The following NCAM1 variants were observed in gnomAD, a reference collection of about 807,000 sequenced individuals.
The protein encoded by NCAM1 is antigen recognized by monoclonal antibody 5.1H11.
NCAM1 carries 14 observed loss-of-function variants against 109.8 expected under a neutral mutation model. That is an observed-to-expected ratio of 0.13 (90% CI 0.08 to 0.20). The LOEUF is 0.20. Ranked by LOEUF, NCAM1 falls within the 10% of genes least tolerant of loss-of-function variation. The pLI, the probability that NCAM1 is intolerant of heterozygous loss-of-function variation, is 1.00. For missense variants in NCAM1, 774 were observed against 1,109.9 expected (o/e 0.70, Z 4.30); for synonymous variants, 418 against 442.9 (o/e 0.94, Z 0.70).
chr11:113,196,542 A>G (rs1354908186), intron 1 of NCAM1, among the ~76,000 whole-genome samples: 1 of 152,266 alleles, frequency 6.6e-6, no homozygotes, highest in East Asian at 1.9e-4. Context: ...ATAATAATGC[A>G]CAACAGGTAT....
At chr11:113,163,851 A>C (rs960500649) in intron 1 of NCAM1, among the ~76,000 whole-genome samples, 1 of 152,176 alleles carries the variant, frequency 6.6e-6, no homozygotes, top group Non-Finnish European at 1.5e-5. Flanking sequence ...AGCTGGTCTC[A>C]ACACCCTAGA....
At chr11:113,036,750 C>T (rs1325708113) in intron 1 of NCAM1, among the ~76,000 whole-genome samples, 2 of 152,084 alleles carry the variant, frequency 1.3e-5, no homozygotes, top group East Asian at 1.9e-4. Context: ...AAGCTTCTAC[C>T]CCGCCCCACC....
At chr11:113,180,915 T>C (rs782431152) in intron 1 of NCAM1, among the ~76,000 whole-genome samples, 1 of 152,184 alleles carries the variant, frequency 6.6e-6, no homozygotes, top group Non-Finnish European at 1.5e-5. Flanking sequence ...GTCCCAGAGA[T>C]GATGTTTGTA....
intron 1 of NCAM1, among the ~76,000 whole-genome samples, chr11:113,183,679 C>G (rs907362430): frequency 2.0e-5 from 3 of 152,172 alleles, no homozygotes; most frequent in Admixed American, 1.3e-4. Flanking sequence ...AAGAAACTTT[C>G]AGCAGCAAAT....
At chr11:113,213,798 C>T (rs1416567146) in intron 7 of NCAM1, among the ~76,000 whole-genome samples, 1 of 152,198 alleles carries the variant, frequency 6.6e-6, no homozygotes, top group Non-Finnish European at 1.5e-5. Flanking sequence ...TAGTCCAATG[C>T]TTCCTGAAAT....
intron 1 of NCAM1, among the ~76,000 whole-genome samples, chr11:112,983,857 A>T (rs1348167959): frequency 6.6e-6 from 1 of 152,004 alleles, no homozygotes; most frequent in East Asian, 1.9e-4. Flanking sequence ...CATATTCATC[A>T]TCTCACATGG....
At chr11:112,980,375 A>G (rs1303230748) in intron 1 of NCAM1, among the ~76,000 whole-genome samples, 13 of 151,974 alleles carry the variant, frequency 8.6e-5, no homozygotes, top group African/African-American at 2.6e-4. Context: ...ATGTACACTA[A>G]TGTTCATGGA....
chr11:112,978,002 A>G (rs559643928), intron 1 of NCAM1, among the ~76,000 whole-genome samples: 1 of 152,012 alleles, frequency 6.6e-6, no homozygotes, highest in South Asian at 2.1e-4. Flanking sequence ...GTGGAAGAAG[A>G]GTCCCTTTTG....
intron 1 of NCAM1, among the ~76,000 whole-genome samples, chr11:113,081,351 C>T (rs921838308): frequency 1.3e-5 from 2 of 152,066 alleles, no homozygotes; most frequent in Non-Finnish European, 2.9e-5. Flanking sequence ...GCGGACGGTT[C>T]CCCGGTGCTT....
At chr11:113,240,952 C>G in intron 14 of NCAM1, 1 of 1,089,076 alleles carries the variant, frequency 9.2e-7, no homozygotes, top group South Asian at 1.3e-5. Context: ...TGGAAAGCAG[C>G]GTCGGGTTTT....
At chr11:113,231,298 C>T (rs1400048065) in intron 9 of NCAM1, 6 of 1,535,010 alleles carry the variant, frequency 3.9e-6, no homozygotes, top group African/African-American at 1.4e-5. Context: ...GCTGCTGCTG[C>T]AATATCTGCT....
At chr11:112,974,174 C>T (rs775135104) in intron 1 of NCAM1, among the ~76,000 whole-genome samples, 13 of 152,148 alleles carry the variant, frequency 8.5e-5, no homozygotes, top group East Asian at 5.8e-4. Flanking sequence ...GAAGAAGTAA[C>T]GGAAAGAGGC....
chr11:113,177,868 G>A (rs1456716856), intron 1 of NCAM1, among the ~76,000 whole-genome samples: 4 of 151,986 alleles, frequency 2.6e-5, no homozygotes, highest in East Asian at 3.9e-4. Flanking sequence ...CCTCTTTGTC[G>A]CTCTTGCTTG....
chr11:113,248,376 C>T (rs1359739460), intron 15 of NCAM1, among the ~76,000 whole-genome samples: 4 of 152,228 alleles, frequency 2.6e-5, no homozygotes, highest in South Asian at 4.1e-4. Flanking sequence ...GAGCCCCGCA[C>T]GCAGCAGGAA....
chr11:113,240,801 C>T (rs373646074), intron 14 of NCAM1: 197 of 1,613,606 alleles, frequency 1.2e-4, no homozygotes, highest in Non-Finnish European at 1.5e-4. Flanking sequence ...TCTGCTAGCT[C>T]GTCTACCCCT....
intron 1 of NCAM1, among the ~76,000 whole-genome samples, chr11:113,129,820 A>G (rs1941320547): frequency 6.6e-6 from 1 of 152,206 alleles, no homozygotes; most frequent in Non-Finnish European, 1.5e-5. Context: ...GCCTCAATTC[A>G]TCCTGCCCTT....
intron 1 of NCAM1, among the ~76,000 whole-genome samples, chr11:113,004,233 G>A (rs1260798143): frequency 6.6e-5 from 10 of 152,220 alleles, no homozygotes; most frequent in Admixed American, 4.6e-4. Context: ...GGTGGCTCAC[G>A]CCTGTAATCG....
At chr11:113,073,222 T>G (rs1555085596) in intron 1 of NCAM1, among the ~76,000 whole-genome samples, 2 of 152,114 alleles carry the variant, frequency 1.3e-5, no homozygotes, top group African/African-American at 4.8e-5. Flanking sequence ...ATAGGCCACA[T>G]TTTTTTTCTT....
intron 14 of NCAM1, among the ~76,000 whole-genome samples, chr11:113,237,891 GATATAGATATATAGAT>G (rs202182994): frequency 6.4e-5 from 2 of 31,354 alleles, no homozygotes; most frequent in South Asian, 2.2e-3. Context: ...TAGATATATA[GATATAGATATATAGAT>G]ATATATAGAT....
Sources: gnomAD v4.1 joint callset for allele counts (sites outside exome capture counted in the v4.1 genomes callset) on GRCh38, gnomAD v4.1.1 for gene constraint, MANE v1.5 for transcripts, NCBI Gene and HGNC (gene_info 2026-07-23, HGNC 2026-07-21) for gene names.